The following ZFHX3 variants were observed in gnomAD, a reference collection of about 807,000 sequenced individuals.
ZFHX3 encodes zinc finger homeobox 3, also known as zinc finger homeobox protein 3.
Under a neutral mutation model 279.1 loss-of-function variants are expected in ZFHX3, and 42 were observed. That is an observed-to-expected ratio of 0.15 (90% CI 0.12 to 0.19). The LOEUF (loss-of-function observed/expected upper bound fraction) is 0.19, where lower values mean the gene tolerates loss of function less well. Among genes scored for constraint, ZFHX3 ranks in the 10% least tolerant of loss-of-function variants. The pLI is 1.00. For synonymous variants in ZFHX3, 2,293 were observed against 1,957.8 expected (o/e 1.17, Z -4.52); for missense variants, 4,981 against 4,754.0 (o/e 1.05, Z -1.40).
chr16:72,883,407 C>T (rs1463888123), intron 4 of ZFHX3, among the ~76,000 whole-genome samples: 1 of 152,168 alleles, frequency 6.6e-6, no homozygotes, highest in Non-Finnish European at 1.5e-5. Flanking sequence ...TCTCTATCAA[C>T]AAGCACCACC....
intron 1 of ZFHX3, among the ~76,000 whole-genome samples, chr16:73,682,940 A>AAG (rs1567550675): frequency 5.7e-5 from 1 of 17,472 alleles, no homozygotes; most frequent in African/African-American, 1.9e-4. Context: ...GAAAGAAAGA[A>AAG]AGAAAGAAAG....
intron 5 of ZFHX3, among the ~76,000 whole-genome samples, chr16:73,171,770 A>G (rs1967530918): frequency 1.3e-5 from 2 of 152,098 alleles, no homozygotes; most frequent in South Asian, 2.1e-4. Context: ...CCTCAAATCC[A>G]TGCTACTGTG....
At chr16:73,033,910 G>C (rs556691343) in intron 1 of ZFHX3, among the ~76,000 whole-genome samples, 2 of 152,136 alleles carry the variant, frequency 1.3e-5, no homozygotes, top group African/African-American at 4.8e-5. Flanking sequence ...AGGACTTCCC[G>C]GCCGCTCTGA....
chr16:73,337,786 C>T (rs1347959126), intron 3 of ZFHX3, among the ~76,000 whole-genome samples: 4 of 150,514 alleles, frequency 2.7e-5, no homozygotes, highest in Admixed American at 2.0e-4. Flanking sequence ...AACGTCATCA[C>T]TTCTAAAATG....
intron 5 of ZFHX3, among the ~76,000 whole-genome samples, chr16:73,247,989 C>G (rs111067768): frequency 0.23 from 24,498 of 107,026 alleles, 2,896 homozygotes; most frequent in East Asian, 0.5. Context: ...CCTGTATGTG[C>G]AGTGTATGAG....
rs1597169716 is a variant in ZFHX3 at position 73,130,681 on chromosome 16, C to T, written c.-897+287G>A. Reference sequence around the variant, plus strand: ...GAGTGCAATGGAGGTGATCTCAGCTCACGGCAACCTCCGCTGCCCGGGTTC... The same window carrying T: ...GAGTGCAATGGAGGTGATCTCAGCTTACGGCAACCTCCGCTGCCCGGGTTC... On this transcript the variant is annotated intron_variant, in intron 7 of 17. Coordinates refer to the ZFHX3 transcript ENST00000641206. Among the ~76,000 whole-genome samples the T allele has an allele frequency of 2.6e-5, 4 of 152,322 alleles. No homozygotes were observed. The South Asian group carries it at 8.3e-4, about 32-fold the overall frequency.
intron 2 of ZFHX3, among the ~76,000 whole-genome samples, chr16:73,607,113 C>T (rs1400412004): frequency 6.6e-6 from 1 of 152,234 alleles, no homozygotes; most frequent in African/African-American, 2.4e-5. Flanking sequence ...ACTGCAACCT[C>T]CATCTCCTAG....
chr16:73,246,813 A>G (rs2013294884), intron 5 of ZFHX3, among the ~76,000 whole-genome samples: 1 of 152,224 alleles, frequency 6.6e-6, no homozygotes, highest in South Asian at 2.1e-4. Flanking sequence ...TAGTAATTCT[A>G]AAATGATTCT....
intron 5 of ZFHX3, among the ~76,000 whole-genome samples, chr16:72,818,824 T>G (rs932867270): frequency 6.6e-6 from 1 of 152,194 alleles, no homozygotes; most frequent in Admixed American, 6.5e-5. Context: ...AGAAAACACC[T>G]ACCCCTAAAA....
At chr16:73,236,885 G>A (rs888052386) in intron 5 of ZFHX3, among the ~76,000 whole-genome samples, 6 of 152,116 alleles carry the variant, frequency 3.9e-5, no homozygotes, top group South Asian at 2.1e-4. Flanking sequence ...GAAGCCACGC[G>A]GTACCTGAGA....
intron 2 of ZFHX3, among the ~76,000 whole-genome samples, chr16:73,540,294 C>T (rs1055424757): frequency 4.6e-5 from 7 of 152,222 alleles, no homozygotes; most frequent in African/African-American, 1.4e-4. Flanking sequence ...AACACTCCTG[C>T]TTTCACGTGA....
chr16:73,748,719 A>G (rs560479218), intron 1 of ZFHX3, among the ~76,000 whole-genome samples: 3 of 152,310 alleles, frequency 2.0e-5, no homozygotes, highest in African/African-American at 4.8e-5. Flanking sequence ...TTGGTCTTAT[A>G]GAAAAAATGG....
chr16:73,353,230 C>T (rs989321581), intron 3 of ZFHX3, among the ~76,000 whole-genome samples: 3 of 152,180 alleles, frequency 2.0e-5, no homozygotes, highest in Admixed American at 1.3e-4. Context: ...AAAATATTCC[C>T]ATTTGTTTAA....
upstream of ZFHX3, among the ~76,000 whole-genome samples, chr16:73,063,025 G>C (rs993514481): frequency 2.0e-5 from 3 of 152,208 alleles, no homozygotes; most frequent in East Asian, 1.9e-4. Context: ...CGGGCTCCTC[G>C]GCAGCGCTCC....
intron 4 of ZFHX3, among the ~76,000 whole-genome samples, chr16:72,831,112 T>C (rs576910168): frequency 6.6e-6 from 1 of 152,328 alleles, no homozygotes; most frequent in African/African-American, 2.4e-5. Context: ...TTTTTCTAAA[T>C]GTCATGCCTT....
chr16:73,120,819 G>A (rs543791280), intron 7 of ZFHX3, among the ~76,000 whole-genome samples: 3 of 151,684 alleles, frequency 2.0e-5, no homozygotes, highest in South Asian at 2.1e-4. Flanking sequence ...CACGCCCGGC[G>A]AATTTTTTAT....
rs551876244 is a variant in ZFHX3, at chr16:73,376,227, A to G, written c.-1290-57891T>C. ...TATAGAATCAGCAGTTTTATATATT[A>G]TAGAATGAAGTTTTCTAAACTGTTG... On this transcript the variant is annotated intron_variant, in intron 3 of 17. Coordinates refer to the ZFHX3 transcript ENST00000641206. Among the ~76,000 whole-genome samples the G allele has an allele frequency of 7.2e-5, 11 of 152,360 alleles. No homozygotes were observed. The South Asian group carries it at 2.3e-3, about 32-fold the overall frequency.
intron 5 of ZFHX3, among the ~76,000 whole-genome samples, chr16:73,196,446 C>T (rs1968151456): frequency 6.6e-6 from 1 of 152,062 alleles, no homozygotes; most frequent in Non-Finnish European, 1.5e-5. Flanking sequence ...ATTTGTAGAT[C>T]ATAGACAACT....
intron 2 of ZFHX3, among the ~76,000 whole-genome samples, chr16:73,587,445 T>G (rs2051939204): frequency 6.6e-6 from 1 of 152,146 alleles, no homozygotes; most frequent in Admixed American, 6.6e-5. Context: ...AAACCATAAC[T>G]TTTGCCAAAA....
Sources: allele counts gnomAD v4.1 joint callset (sites outside exome capture counted in the v4.1 genomes callset), GRCh38; gene constraint gnomAD v4.1.1; transcripts MANE v1.5; gene names NCBI Gene and HGNC (gene_info 2026-07-23, HGNC 2026-07-21).